Variants in ARHGEF11 observed in about 807,000 individuals in gnomAD.
ARHGEF11 encodes the protein Rho guanine nucleotide exchange factor 11.
A neutral mutation model predicts 193.7 loss-of-function variants in ARHGEF11; 55 were observed. The ratio of observed to expected loss-of-function variants is 0.28; its 90% CI spans 0.23 to 0.36. ARHGEF11 has a LOEUF of 0.36. Ranked by LOEUF, ARHGEF11 falls within the 10% of genes least tolerant of loss-of-function variation. ARHGEF11 has a pLI of 1.00. For missense variants in ARHGEF11, 1,723 were observed against 2,005.6 expected (o/e 0.86, Z 2.69); for synonymous variants, 693 against 768.0 (o/e 0.90, Z 1.62).
In ARHGEF11 at chr1:157,016,251, G is replaced by T. The variant is rs1250032179; in HGVS notation, c.32+28048C>A. Among the ~76,000 whole-genome samples, 6 of 151,526 alleles carry T rather than the reference G, an allele frequency of 4.0e-5. No individual in the cohort carries two copies. The East Asian group carries it at 7.7e-4, about 20-fold the overall frequency. On this transcript the variant is annotated intron_variant, in intron 1 of 40. Coordinates refer to ENST00000368194, the MANE Select transcript of ARHGEF11 (RefSeq NM_198236.3). ...TTTATTTTATCTTTTTATTTTTTTT[G>T]AGACAGACTATTGCTCTGTCTGCAG...
chr1:156,936,084 A>T (rs1402104335), intron 40 of ARHGEF11, 26 bp from the exon 41 acceptor site: 1 of 1,612,888 alleles, frequency 6.2e-7, no homozygotes, highest in Non-Finnish European at 8.5e-7. Flanking sequence ...GAAGGTGAGG[A>T]ACTGGCCAGC....
chr1:157,019,857 A>T (rs904454707), intron 1 of ARHGEF11, among the ~76,000 whole-genome samples: 1 of 152,116 alleles, frequency 6.6e-6, no homozygotes, highest in Non-Finnish European at 1.5e-5. Flanking sequence ...GGGAAGGGAG[A>T]GGGGAGAAAA....
chr1:156,986,287 C>T, intron 1 of ARHGEF11, 114 bp from the exon 2 acceptor site: 1 of 773,954 alleles, frequency 1.3e-6, no homozygotes, highest in South Asian at 1.7e-5. Context: ...AGAGACCAAC[C>T]TACCCGCCCT....
At chr1:157,016,801 A>T (rs200728926) in intron 1 of ARHGEF11, among the ~76,000 whole-genome samples, 2 of 1,224 alleles carry the variant, frequency 1.6e-3, no homozygotes, top group East Asian at 0.071. Flanking sequence ...AGTTTTTATT[A>T]TTTATTTATT....
chr1:157,022,215 C>T (rs1670066727), intron 1 of ARHGEF11, among the ~76,000 whole-genome samples: 1 of 152,088 alleles, frequency 6.6e-6, no homozygotes, highest in Non-Finnish European at 1.5e-5. Flanking sequence ...AAATAGCCAT[C>T]CACGTGGGAA....
intron 22 of ARHGEF11, among the ~76,000 whole-genome samples, chr1:156,949,515 G>A (rs1658756470): frequency 6.6e-6 from 1 of 152,158 alleles, no homozygotes; most frequent in East Asian, 1.9e-4. Flanking sequence ...TCCATTCATT[G>A]TGCCCAAACT....
At chr1:156,974,324 T>A (rs1338168892) in intron 7 of ARHGEF11, among the ~76,000 whole-genome samples, 1 of 152,132 alleles carries the variant, frequency 6.6e-6, no homozygotes, top group Non-Finnish European at 1.5e-5. Context: ...CACTTTGGCT[T>A]CCCAAAGTGC....
At chr1:157,014,021 A>G (rs548943850) in intron 1 of ARHGEF11, among the ~76,000 whole-genome samples, 1 of 152,254 alleles carries the variant, frequency 6.6e-6, no homozygotes, top group African/African-American at 2.4e-5. Context: ...GAAAAATCAC[A>G]CTGCTGTGTG....
At position 156,940,264 on chromosome 1, in the gene ARHGEF11, A is replaced by G; in HGVS notation, c.3676T>C (p.Leu1226=). 6.2e-7 allele frequency: 1 copy of G among 1,611,864 alleles called. No individual in the cohort carries two copies. The highest frequency in any genetic ancestry group is 8.5e-7 in the Non-Finnish European group (1 of 1,178,496). ...ATGAACAGAGGGCCTGGGAAGGCCA[A>G]GTGGATGGGGTTCCTTGTCCTGATG... The part of the protein sequence containing the change: ...RGIRTRNPIH[L]AFPGPLFMEG... Residue 1226 remains leucine, a synonymous_variant, in exon 36 of 41, where the codon TTG becomes CTG. Transcript: ENST00000368194.
chr1:156,978,830 T>C (rs553780622), intron 5 of ARHGEF11, among the ~76,000 whole-genome samples: 1 of 152,360 alleles, frequency 6.6e-6, no homozygotes, highest in African/African-American at 2.4e-5. Context: ...GCAGACTCAA[T>C]TGTTGGGCCT....
intron 8 of ARHGEF11, 132 bp from the exon 9 acceptor site, chr1:156,970,175 C>G (rs1427528442): frequency 1.4e-6 from 1 of 709,636 alleles, no homozygotes; most frequent in Non-Finnish European, 2.5e-6. Flanking sequence ...AAATGCCCAG[C>G]TAGAAGAGAT....
intron 1 of ARHGEF11, among the ~76,000 whole-genome samples, chr1:157,031,727 G>A (rs1671333176): frequency 6.6e-6 from 1 of 152,200 alleles, no homozygotes; most frequent in South Asian, 2.1e-4. Context: ...CCCTAGAACA[G>A]AACCCCAGAA....
chr1:156,947,713 C>A, intron 25 of ARHGEF11, 56 bp downstream of exon 25: 1 of 1,590,904 alleles, frequency 6.3e-7, no homozygotes, highest in Non-Finnish European at 8.6e-7. Flanking sequence ...CTTAGGCATT[C>A]TGGACCTATT....
At chr1:156,952,096 G>A (rs531119723) in intron 21 of ARHGEF11, among the ~76,000 whole-genome samples, 2 of 152,198 alleles carry the variant, frequency 1.3e-5, no homozygotes, top group South Asian at 4.1e-4. Context: ...TGGCCATGTT[G>A]CCAAAATATA....
At chr1:157,038,930 G>A (rs908578064) in intron 1 of ARHGEF11, among the ~76,000 whole-genome samples, 1 of 152,064 alleles carries the variant, frequency 6.6e-6, no homozygotes, top group African/African-American at 2.4e-5. Flanking sequence ...GAAGTGGGAG[G>A]ACCACCTGAG....
chr1:156,959,141 G>A lies in ARHGEF11; in HGVS notation c.1284C>T (p.Asp428=). The A allele has an allele frequency of 6.2e-7, 1 of 1,614,034 alleles. No homozygotes were observed. Among genetic ancestry groups the A allele is most frequent in the Non-Finnish European group, 8.5e-7 (1 of 1,179,938 alleles). ...CATCTTCGCTGTTCCGCAGGCGCGA[G>A]TCTGTAGTGGGAGATCAGAGAAAGC... ...KIPEMLQAEI[D]SRLRNSEDAR... is the part of the protein sequence containing the mutation. The change falls in exon 16 of 41, where the codon GAC becomes GAT. Residue 428 remains aspartate (D), a splice_region_variant and synonymous_variant. Transcript: ENST00000368194.
intron 11 of ARHGEF11, among the ~76,000 whole-genome samples, chr1:156,967,146 C>T (rs1196778750): frequency 1.3e-5 from 2 of 152,144 alleles, no homozygotes; most frequent in Non-Finnish European, 2.9e-5. Flanking sequence ...TACATTTACT[C>T]TACATTTACA....
chr1:157,034,753 T>C (rs896874294), intron 1 of ARHGEF11, among the ~76,000 whole-genome samples: 1 of 152,144 alleles, frequency 6.6e-6, no homozygotes, highest in African/African-American at 2.4e-5. Context: ...AAGAACCATA[T>C]AAAAGAACCA....
chr1:157,035,763 T>TATATATATATATATATATATATGA (rs1553235820), intron 1 of ARHGEF11, among the ~76,000 whole-genome samples: 1 of 140,998 alleles, frequency 7.1e-6, no homozygotes, highest in Non-Finnish European at 1.5e-5. Context: ...TGTGGGAATA[T>TATATATATATATATATATATATGA]ATATATATAC....
Sources: gnomAD v4.1 joint callset for allele counts (sites outside exome capture counted in the v4.1 genomes callset) on GRCh38, gnomAD v4.1.1 for gene constraint, MANE v1.5 for transcripts, NCBI Gene and HGNC (gene_info 2026-07-23, HGNC 2026-07-21) for gene names.